The following SELENOI variants were observed in gnomAD, a reference collection of about 807,000 sequenced individuals.
The protein encoded by SELENOI is selenoprotein I.
SELENOI carries 24 observed loss-of-function variants against 50.7 expected under a neutral mutation model. That is an observed-to-expected ratio of 0.47 (90% CI 0.34 to 0.67). The LOEUF is 0.67. SELENOI is among the 30% of genes least tolerant of loss of function. The pLI, the probability that SELENOI is intolerant of heterozygous loss-of-function variation, is 0.01. For missense variants in SELENOI, 352 were observed against 461.4 expected (o/e 0.76, Z 2.17); for synonymous variants, 155 against 170.2 (o/e 0.91, Z 0.70).
intron 4 of SELENOI, among the ~76,000 whole-genome samples, chr2:26,370,835 C>A (rs1309004218): frequency 8.0e-6 from 1 of 125,490 alleles, no homozygotes; most frequent in African/African-American, 3.3e-5. Context: ...GGGGGGCTGA[C>A]ACCCCCACCT....
At chr2:26,352,397 G>A (rs916270954) in intron 1 of SELENOI, among the ~76,000 whole-genome samples, 1 of 152,136 alleles carries the variant, frequency 6.6e-6, no homozygotes, top group Admixed American at 6.6e-5. Context: ...AAGGAGTGGG[G>A]ATTCTAAAGA....
At chr2:26,361,944 C>T (rs747018931) in intron 1 of SELENOI, among the ~76,000 whole-genome samples, 39 of 152,124 alleles carry the variant, frequency 2.6e-4, no homozygotes, top group Non-Finnish European at 5.4e-4. Flanking sequence ...AGGCGTGAGC[C>T]ACGCACCTAG....
intron 6 of SELENOI, among the ~76,000 whole-genome samples, chr2:26,380,783 CAT>C (rs1436242468): frequency 1.3e-5 from 2 of 152,158 alleles, no homozygotes; most frequent in African/African-American, 4.8e-5. Flanking sequence ...GTTTTACCAA[CAT>C]AGTATATTGT....
intron 1 of SELENOI, among the ~76,000 whole-genome samples, chr2:26,355,757 T>G (rs1175554558): frequency 6.6e-6 from 1 of 151,968 alleles, no homozygotes. Context: ...TTTTTTTTTT[T>G]TGAGAGAGTG....
At chr2:26,386,158 G>A (rs1466695874) in intron 8 of SELENOI, among the ~76,000 whole-genome samples, 196 bp from the exon 9 acceptor site, 2 of 152,118 alleles carry the variant, frequency 1.3e-5, no homozygotes, top group Non-Finnish European at 2.9e-5. Context: ...CACACTCTGA[G>A]GTTACATGGG....
In SELENOI at chr2:26,387,556, TGTG is replaced by T. The variant is rs559946051; in HGVS notation, c.1095+1026_1095+1028del. On this transcript the variant is annotated intron_variant, in intron 9 of 9. Transcript: ENST00000260585. ...AAATACAAAAAAAAAATTAGCCAGA[TGTG>T]GTGGTACAGGCCTGTAGTCCTAGCT... 2.3e-4 allele frequency among the ~76,000 whole-genome samples: 34 copies of T among 151,088 alleles called. No individual in the cohort carries two copies. The East Asian group carries it at 6.4e-3, about 29-fold the overall frequency.
At chr2:26,349,101 C>T (rs1420838937) in intron 1 of SELENOI, among the ~76,000 whole-genome samples, 6 of 146,338 alleles carry the variant, frequency 4.1e-5, no homozygotes, top group Admixed American at 7.0e-5. Flanking sequence ...CTGAAACCTC[C>T]GCCTCCTGCG....
intron 1 of SELENOI, among the ~76,000 whole-genome samples, chr2:26,362,769 A>G (rs912054670): frequency 1.1e-4 from 17 of 152,164 alleles, no homozygotes; most frequent in South Asian, 2.1e-4. Context: ...AAAGAAAAAA[A>G]AAAGAAAAAC....
chr2:26,365,228 C>T (rs1677261638), intron 3 of SELENOI, among the ~76,000 whole-genome samples: 2 of 152,214 alleles, frequency 1.3e-5, no homozygotes, highest in African/African-American at 4.8e-5. Flanking sequence ...TATCCCTTCT[C>T]CTTTTCTAGT....
At chr2:26,371,753 C>G (rs1236141584) in intron 4 of SELENOI, among the ~76,000 whole-genome samples, 2 of 152,174 alleles carry the variant, frequency 1.3e-5, no homozygotes, top group African/African-American at 4.8e-5. Context: ...TGCAGGCACT[C>G]CGCAGGCTGA....
intron 6 of SELENOI, among the ~76,000 whole-genome samples, chr2:26,380,165 GT>G (rs1398890949): frequency 6.6e-6 from 1 of 152,084 alleles, no homozygotes; most frequent in Non-Finnish European, 1.5e-5. Context: ...TAAAATATTT[GT>G]GATAAAGTCA....
At chr2:26,388,468 A>G (rs979727033) in intron 9 of SELENOI, among the ~76,000 whole-genome samples, 2 of 152,176 alleles carry the variant, frequency 1.3e-5, no homozygotes, top group African/African-American at 4.8e-5. Context: ...AAAACTTGCT[A>G]GGCCACACAA....
chr2:26,375,031 T>C lies in SELENOI; in HGVS notation c.574-9T>C, dbSNP rs1677537087. On this transcript the variant is annotated splice_polypyrimidine_tract_variant and intron_variant, in intron 5 of 9. Coordinates refer to ENST00000260585, the MANE Select transcript of SELENOI (RefSeq NM_033505.4). ...CTTCTGTATGCTTTTGTCTGCATTTTCCTTCCAGACTATTTCTTTTGTCTA... is the reference window on the plus strand; with the variant it reads ...CTTCTGTATGCTTTTGTCTGCATTTCCCTTCCAGACTATTTCTTTTGTCTA... 1 of 1,589,852 alleles carries C rather than the reference T, an allele frequency of 6.3e-7. No homozygotes were observed. Among genetic ancestry groups the C allele is most frequent in the Non-Finnish European group, 8.6e-7 (1 of 1,158,794 alleles).
chr2:26,364,985 A>G (rs770240560), intron 3 of SELENOI, 45 bp downstream of exon 3: 7 of 1,360,250 alleles, frequency 5.1e-6, no homozygotes, highest in Non-Finnish European at 7.0e-6. Context: ...GTAGAAAAAA[A>G]TGAAATGTGG....
Position 26,352,507 on chromosome 2 carries a change from G to A in SELENOI, c.57+6218G>A, listed in dbSNP as rs114446898. ...CTTTCAAAAATTAGTATCTCTAGCC[G>A]GGTGCGGTGGCTCACGCCTGTAATC... On this transcript the variant is annotated intron_variant, in intron 1 of 9. Coordinates refer to ENST00000260585, the MANE Select transcript of SELENOI (RefSeq NM_033505.4). Among the ~76,000 whole-genome samples, 1,457 of 152,202 alleles carry A rather than the reference G, an allele frequency of 9.6e-3. 30 individuals are homozygous for A. Among genetic ancestry groups the A allele is most frequent in the African/African-American group, 0.033 (1,381 of 41,536 alleles).
At position 26,385,074 on chromosome 2, in the gene SELENOI, G is replaced by T. The variant is rs769967115; in HGVS notation, c.847G>T (p.Asp283Tyr). Residue 283 changes from aspartate to tyrosine, a missense_variant, in exon 8 of 10, where the codon GAT (aspartate) becomes TAT (tyrosine). Coordinates refer to ENST00000260585, the MANE Select transcript of SELENOI (RefSeq NM_033505.4). Reference protein sequence around the residue: ...STAWILWSPSDILELHPRVFY... With the variant: ...STAWILWSPSYILELHPRVFY... ...AGCGTGGATCCTTTGGTCACCTTCAGATATTTTAGAGCTACATCCTAGAGT... is the reference window on the plus strand; with the variant it reads ...AGCGTGGATCCTTTGGTCACCTTCATATATTTTAGAGCTACATCCTAGAGT... 1.2e-6 allele frequency: 2 copies of T among 1,612,612 alleles called. No homozygotes were observed. The highest frequency in any genetic ancestry group is 8.5e-7 in the Non-Finnish European group (1 of 1,179,324).
At chr2:26,346,495 C>T (rs1676767186) in intron 1 of SELENOI, 1 of 532,700 alleles carries the variant, frequency 1.9e-6, no homozygotes, top group Non-Finnish European at 3.2e-6. Flanking sequence ...GTCGGCACCC[C>T]CCGGGAGATT....
At chr2:26,366,751 T>A (rs529470154) in intron 3 of SELENOI, among the ~76,000 whole-genome samples, 1 of 152,296 alleles carries the variant, frequency 6.6e-6, no homozygotes, top group South Asian at 2.1e-4. Context: ...TAATTAATAG[T>A]ATAGGAAAGG....
intron 6 of SELENOI, among the ~76,000 whole-genome samples, chr2:26,376,737 G>T (rs1677575230): frequency 6.6e-6 from 1 of 151,914 alleles, no homozygotes; most frequent in Non-Finnish European, 1.5e-5. Flanking sequence ...CTTCCTTTAG[G>T]TTTTTTTATA....
Sources: allele counts gnomAD v4.1 joint callset (sites outside exome capture counted in the v4.1 genomes callset), GRCh38; gene constraint gnomAD v4.1.1; transcripts MANE v1.5; gene names NCBI Gene and HGNC (gene_info 2026-07-23, HGNC 2026-07-21).